MAN1A2: variants seen among roughly 807,000 people sequenced by gnomAD.
The protein encoded by MAN1A2 is mannosyl-oligosaccharide 1,2-alpha-mannosidase IB.
Under a neutral mutation model 75.7 loss-of-function variants are expected in MAN1A2, and 26 were observed. That is an observed-to-expected ratio of 0.34 (90% CI 0.25 to 0.48). The LOEUF (loss-of-function observed/expected upper bound fraction) is 0.48, where lower values mean the gene tolerates loss of function less well. Ranked by LOEUF, MAN1A2 falls within the 20% of genes least tolerant of loss-of-function variation. The probability of loss-of-function intolerance (pLI) is 0.99; values close to 1 mark genes in which losing one functional copy is unlikely to be tolerated. For missense variants in MAN1A2, 562 were observed against 775.5 expected, an observed-to-expected ratio of 0.72 and a Z score of 3.27; for synonymous variants, 247 against 264.6, an observed-to-expected ratio of 0.93 and a Z score of 0.65.
Position 117,502,846 on chromosome 1 carries a change from CTT to C in MAN1A2, c.1678-7_1678-6del, listed in dbSNP as rs773491053. On this transcript the variant is annotated splice_region_variant and splice_polypyrimidine_tract_variant and intron_variant, in intron 11 of 12. Transcript: ENST00000356554. The stretch of plus-strand genomic sequence containing the variant: ...CGGAATTGCTTATTTTGTCTGATCT[CTT>C]TCATAGGCCATTGAAAAGTATTGCC... 1 of 1,467,312 alleles carries C rather than the reference CTT, an allele frequency of 6.8e-7. No homozygotes were observed. The highest frequency in any genetic ancestry group is 9.5e-7 in the Non-Finnish European group (1 of 1,051,736). 90.9% of individuals were successfully genotyped at this position (1,467,312 alleles called of 1,614,324 possible). A position where few individuals can be genotyped will look rare whatever the true frequency, so the allele number is the denominator to read the frequency against.
intron 3 of MAN1A2, among the ~76,000 whole-genome samples, chr1:117,408,441 A>G (rs973544564): frequency 6.6e-6 from 1 of 151,976 alleles, no homozygotes; most frequent in East Asian, 1.9e-4. Context: ...TGATTTTGCA[A>G]TGCTCTTTGA....
intron 12 of MAN1A2, among the ~76,000 whole-genome samples, chr1:117,517,066 G>A (rs1345887383): frequency 6.6e-6 from 1 of 152,130 alleles, no homozygotes; most frequent in Non-Finnish European, 1.5e-5. Flanking sequence ...GTGGCACTGG[G>A]TAGAGTGAGT....
At chr1:117,441,882 T>C (rs929581419) in intron 5 of MAN1A2, among the ~76,000 whole-genome samples, 2 of 152,214 alleles carry the variant, frequency 1.3e-5, no homozygotes, top group Non-Finnish European at 2.9e-5. Flanking sequence ...CTCTTTCTTT[T>C]GTTTATATTT....
At chr1:117,505,827 GAACT>G (rs1440936538) in intron 12 of MAN1A2, among the ~76,000 whole-genome samples, 1 of 151,194 alleles carries the variant, frequency 6.6e-6, no homozygotes, top group Non-Finnish European at 1.5e-5. Flanking sequence ...TAAAAATATT[GAACT>G]ATTAAGTGAA....
intron 7 of MAN1A2, 32 bp downstream of exon 7, chr1:117,460,644 T>C: frequency 6.4e-7 from 1 of 1,569,176 alleles, no homozygotes; most frequent in East Asian, 2.3e-5. Context: ...TCTTTGTTTG[T>C]TATAAAGAGT....
At chr1:117,462,480 A>C (rs1331939323) in intron 7 of MAN1A2, among the ~76,000 whole-genome samples, 1 of 152,202 alleles carries the variant, frequency 6.6e-6, no homozygotes, top group Non-Finnish European at 1.5e-5. Context: ...TCTCTAAATT[A>C]AATGTTTTAT....
At chr1:117,400,109 T>C (rs1319307884) in intron 1 of MAN1A2, among the ~76,000 whole-genome samples, 1 of 152,084 alleles carries the variant, frequency 6.6e-6, no homozygotes. Flanking sequence ...CCTGAACAGA[T>C]CAGCCCTCAT....
intron 6 of MAN1A2, among the ~76,000 whole-genome samples, chr1:117,456,126 T>C (rs948667863): frequency 2.0e-5 from 3 of 152,184 alleles, no homozygotes; most frequent in African/African-American, 4.8e-5. Flanking sequence ...ATTGGATGTA[T>C]GGACTAAGGA....
chr1:117,429,476 C>CAGA (rs1648507332), intron 5 of MAN1A2, among the ~76,000 whole-genome samples: 1 of 75,190 alleles, frequency 1.3e-5, no homozygotes, highest in Admixed American at 1.2e-4. Context: ...GCTGGCCGGG[C>CAGA]GGGGGGCCGA....
intron 10 of MAN1A2, 41 bp from the exon 11 acceptor site, chr1:117,499,341 A>T: frequency 7.2e-7 from 1 of 1,384,128 alleles, no homozygotes; most frequent in East Asian, 2.7e-5. Flanking sequence ...ACAAACATAA[A>T]TGGTTTATTT....
At chr1:117,476,250 G>T (rs12078149) in intron 8 of MAN1A2, among the ~76,000 whole-genome samples, 40,389 of 151,860 alleles carry the variant, frequency 0.27, 5,908 homozygotes, top group East Asian at 0.47. Context: ...GTAGATTCTG[G>T]ATATTAGTGC....
intron 12 of MAN1A2, among the ~76,000 whole-genome samples, chr1:117,516,526 C>T (rs6683931): frequency 0.25 from 38,084 of 152,000 alleles, 5,564 homozygotes; most frequent in East Asian, 0.47. Flanking sequence ...GACACAGTCT[C>T]TCACAATGGA....
At chr1:117,412,316 T>TA (rs1341457369) in intron 3 of MAN1A2, among the ~76,000 whole-genome samples, 1 of 151,706 alleles carries the variant, frequency 6.6e-6, no homozygotes, top group Non-Finnish European at 1.5e-5. Flanking sequence ...TTTATAATTT[T>TA]AAAAAATTTT....
At chr1:117,505,642 T>C (rs1266115344) in intron 12 of MAN1A2, among the ~76,000 whole-genome samples, 1 of 151,246 alleles carries the variant, frequency 6.6e-6, no homozygotes, top group Non-Finnish European at 1.5e-5. Flanking sequence ...CATTCAGCAT[T>C]GCACTTCCTG....
intron 3 of MAN1A2, among the ~76,000 whole-genome samples, chr1:117,413,259 A>G (rs1156460246): frequency 1.3e-5 from 2 of 151,948 alleles, no homozygotes; most frequent in African/African-American, 2.4e-5. Flanking sequence ...AGCTAAGAGA[A>G]GATAGATGTA....
intron 8 of MAN1A2, among the ~76,000 whole-genome samples, chr1:117,482,160 C>T (rs1188691686): frequency 1.3e-5 from 2 of 151,768 alleles, no homozygotes; most frequent in Non-Finnish European, 2.9e-5. Flanking sequence ...TTGCTGTACC[C>T]ATCAACTCAT....
Position 117,396,935 on chromosome 1 carries a change from G to GT in MAN1A2, c.303-5237dup, listed in dbSNP as rs749623787. Among the ~76,000 whole-genome samples the GT allele has an allele frequency of 3.2e-3, 450 of 142,372 alleles. 1 individual carries two copies. The highest frequency in any genetic ancestry group is 0.014 in the East Asian group (72 of 4,970). The allele number at this position is 142,372 out of a possible 152,430, so 93.4% of individuals were successfully genotyped here. On this transcript the variant is annotated intron_variant, in intron 1 of 12. Transcript: ENST00000356554. ...GTTAATGAAGGTACTAATCATAGAG[G>GT]TTTTTTTTTTTTTTAGTGATTGTTC...
At chr1:117,386,995 G>T (rs1362901258) in intron 1 of MAN1A2, among the ~76,000 whole-genome samples, 1 of 151,874 alleles carries the variant, frequency 6.6e-6, no homozygotes, top group Non-Finnish European at 1.5e-5. Context: ...ATCTGATAAG[G>T]CATTAATATC....
At chr1:117,417,832 G>A (rs1048222046) in intron 4 of MAN1A2, among the ~76,000 whole-genome samples, 1 of 151,742 alleles carries the variant, frequency 6.6e-6, no homozygotes, top group African/African-American at 2.4e-5. Flanking sequence ...CATGGCTCGT[G>A]TCTGTAATCC....
Sources: allele counts gnomAD v4.1 joint callset (sites outside exome capture counted in the v4.1 genomes callset), GRCh38; gene constraint gnomAD v4.1.1; transcripts MANE v1.5; gene names NCBI Gene and HGNC (gene_info 2026-07-23, HGNC 2026-07-21).